RELN: variants seen among roughly 807,000 people sequenced by gnomAD.
RELN encodes the protein reelin.
RELN carries 108 observed loss-of-function variants against 427.6 expected under a neutral mutation model. That is an observed-to-expected ratio of 0.25 (90% CI 0.22 to 0.30). The LOEUF is 0.30. Ranked by LOEUF, RELN falls within the 10% of genes least tolerant of loss-of-function variation. The pLI, the probability that RELN is intolerant of heterozygous loss-of-function variation, is 1.00. For missense variants in RELN, 3,715 were observed against 4,302.8 expected (o/e 0.86, Z 3.82); for synonymous variants, 1,524 against 1,513.4 (o/e 1.01, Z -0.16).
chr7:103,489,651 T>C, intron 60 of RELN, 91 bp downstream of exon 60: 25 of 1,449,766 alleles, frequency 1.7e-5, no homozygotes, highest in Non-Finnish European at 2.4e-5. Context: ...CTGGAGTTTC[T>C]ATCCATTTCC....
intron 6 of RELN, among the ~76,000 whole-genome samples, chr7:103,730,383 T>C (rs1790323966): frequency 6.6e-6 from 1 of 151,846 alleles, no homozygotes; most frequent in African/African-American, 2.4e-5. Flanking sequence ...GATAACTGTA[T>C]AAAAGTGATG....
rs138206437 is a variant in RELN at position 103,484,509 on chromosome 7, C to T, written c.9984-659G>A. Reference sequence around the variant, plus strand: ...TCAACCCTGGTGATCAATGAATTGACAGATGTCACAGCCAGATCGCCCTCA... The same window carrying T: ...TCAACCCTGGTGATCAATGAATTGATAGATGTCACAGCCAGATCGCCCTCA... On this transcript the variant is annotated intron_variant, in intron 61 of 64. Coordinates refer to ENST00000428762, the MANE Select transcript of RELN (RefSeq NM_005045.4). 805 of 155,488 alleles carry T rather than the reference C, an allele frequency of 5.2e-3. 26 individuals are homozygous for T. Among genetic ancestry groups the T allele is most frequent in the Admixed American group, 0.046 (730 of 15,758 alleles). The allele number at this position is 155,488 out of a possible 1,614,324, so 9.6% of individuals were successfully genotyped here.
chr7:103,817,086 A>T (rs538062032), intron 3 of RELN, among the ~76,000 whole-genome samples: 1 of 152,230 alleles, frequency 6.6e-6, no homozygotes, highest in Non-Finnish European at 1.5e-5. Context: ...TCCTGACCTC[A>T]AGTGATCCGC....
intron 64 of RELN, among the ~76,000 whole-genome samples, chr7:103,477,619 A>G (rs1027893170): frequency 1.3e-5 from 2 of 152,250 alleles, no homozygotes; most frequent in Admixed American, 6.5e-5. Context: ...AAGTGCAGAC[A>G]CAAACATCTC....
intron 10 of RELN, among the ~76,000 whole-genome samples, chr7:103,684,291 A>G (rs1026330993): frequency 2.0e-5 from 3 of 152,160 alleles, no homozygotes; most frequent in Admixed American, 2.0e-4. Flanking sequence ...AGGATTGGGC[A>G]CAGCGGGCTT....
chr7:103,768,344 T>C (rs931740262), intron 4 of RELN, among the ~76,000 whole-genome samples: 8 of 151,990 alleles, frequency 5.3e-5, no homozygotes, highest in African/African-American at 1.9e-4. Flanking sequence ...TTACAATTAC[T>C]TGGAACCTCA....
At chr7:103,486,470 A>G in intron 60 of RELN, 54 bp from the exon 61 acceptor site, 1 of 1,352,148 alleles carries the variant, frequency 7.4e-7, no homozygotes, top group Non-Finnish European at 1.1e-6. Flanking sequence ...GAGTCATTCA[A>G]GATTAAGAAC....
At chr7:103,675,668 T>A (rs191305793) in intron 11 of RELN, among the ~76,000 whole-genome samples, 21 of 152,270 alleles carry the variant, frequency 1.4e-4, no homozygotes, top group Admixed American at 1.4e-3. Flanking sequence ...CAAAACAGCA[T>A]GGTACTGGTA....
At chr7:103,773,288 GCTCCCTCTCTCTCTCC>G (rs1359166225) in intron 4 of RELN, among the ~76,000 whole-genome samples, 2 of 29,976 alleles carry the variant, frequency 6.7e-5, no homozygotes, top group Non-Finnish European at 1.2e-4. Flanking sequence ...TCTCTCCCTC[GCTCCCTCTCTCTCTCC>G]CTCCCTCGCT....
chr7:103,837,375 A>T (rs1047430132), intron 2 of RELN, among the ~76,000 whole-genome samples: 1 of 152,142 alleles, frequency 6.6e-6, no homozygotes, highest in Non-Finnish European at 1.5e-5. Context: ...CCCTGTACAC[A>T]TTTACCATCC....
Position 103,795,272 on chromosome 7 carries a change from TAG to T in RELN, c.474-18647_474-18646del, listed in dbSNP as rs557844271. Among the ~76,000 whole-genome samples the T allele has an allele frequency of 2.6e-3, 394 of 152,372 alleles. 3 individuals are homozygous for T. Among genetic ancestry groups the T allele is most frequent in the African/African-American group, 9.0e-3 (375 of 41,594 alleles). On this transcript the variant is annotated intron_variant, in intron 3 of 64. Transcript: ENST00000428762. ...ACAGGCTCAAGCTAAGTATTGGCTT[TAG>T]AAAGTTGTCTTGTCTGACTCACATT...
chr7:103,863,465 C>T (rs1428086874), intron 2 of RELN, among the ~76,000 whole-genome samples: 2 of 152,154 alleles, frequency 1.3e-5, no homozygotes, highest in Non-Finnish European at 2.9e-5. Flanking sequence ...GTCTCCAAGG[C>T]CCAGGCTGCT....
intron 1 of RELN, among the ~76,000 whole-genome samples, chr7:103,937,949 A>T (rs908157532): frequency 2.0e-5 from 3 of 152,156 alleles, no homozygotes; most frequent in African/African-American, 7.2e-5. Flanking sequence ...CCCCATCCCC[A>T]CTAACCTTCA....
rs202166176 is a variant in RELN at position 103,510,913 on chromosome 7, G to T, written c.8212C>A (p.Arg2738=). The T allele has an allele frequency of 1.2e-6, 2 of 1,612,772 alleles. No individual in the cohort carries two copies. Among genetic ancestry groups the T allele is most frequent in the Non-Finnish European group, 1.7e-6 (2 of 1,179,014 alleles). Residue 2738 remains arginine, a synonymous_variant, in exon 51 of 65, where the codon CGG becomes AGG. Transcript: ENST00000428762. ...TCATGGGTCACTGCATACACCTCCCGTCCATCATGACTGCCACAGAGCATC... is the reference window on the plus strand; with the variant it reads ...TCATGGGTCACTGCATACACCTCCCTTCCATCATGACTGCCACAGAGCATC... The part of the protein sequence containing the change: ...GVMLCGSHDG[R]EVYAVTHDLT...
At chr7:103,866,592 T>C (rs3908281) in intron 2 of RELN, among the ~76,000 whole-genome samples, 51,383 of 151,956 alleles carry the variant, frequency 0.34, 9,156 homozygotes, top group Non-Finnish European at 0.41. Flanking sequence ...TTTTGTAATT[T>C]AAATCAAAAG....
intron 2 of RELN, among the ~76,000 whole-genome samples, chr7:103,914,792 G>A (rs186748481): frequency 5.1e-4 from 78 of 152,122 alleles, no homozygotes; most frequent in African/African-American, 1.8e-3. Context: ...CCCACATCTG[G>A]CTCCTTCTTG....
At position 103,650,363 on chromosome 7, in the gene RELN, G is replaced by A. The variant is rs114993407; in HGVS notation, c.1913C>T (p.Pro638Leu). Reference protein sequence around the residue: ...NYSGWNRITIPLPNAALTRNT... With the variant: ...NYSGWNRITILLPNAALTRNT... ...CCGGGTTAGTGCTGCGTTAGGAAGG[G>A]GAATTGTTATTCGGTTCCACCTGCA... The change falls in exon 16 of 65, where the codon CCC becomes CTC. Residue 638 changes from proline to leucine, a missense_variant. By Grantham distance (98) the Pro-to-Leu change is moderately conservative. Around this residue, in one of 4 missense-constraint regions of RELN, gnomAD observed 2,208 missense variants for 2,361.7 expected, o/e 0.93. Coordinates refer to ENST00000428762, the MANE Select transcript of RELN (RefSeq NM_005045.4). The A allele has an allele frequency of 1.9e-5, 31 of 1,611,920 alleles. No individual in the cohort carries two copies. The East Asian group carries it at 4.9e-4, about 26-fold the overall frequency.
At chr7:103,934,743 T>C (rs1170193570) in intron 1 of RELN, among the ~76,000 whole-genome samples, 1 of 152,240 alleles carries the variant, frequency 6.6e-6, no homozygotes, top group East Asian at 1.9e-4. Flanking sequence ...GGAGTCAGAA[T>C]GGCTGGCAGC....
At chr7:103,919,632 G>C (rs1310211407) in intron 1 of RELN, among the ~76,000 whole-genome samples, 1 of 152,086 alleles carries the variant, frequency 6.6e-6, no homozygotes, top group Non-Finnish European at 1.5e-5. Context: ...ACCAAGCTAT[G>C]TGACTCCACA....
Sources: gnomAD v4.1 joint callset for allele counts (sites outside exome capture counted in the v4.1 genomes callset) on GRCh38, gnomAD v4.1.1 for gene constraint, gnomAD v4.1.1 regional missense constraint, MANE v1.5 for transcripts, NCBI Gene and HGNC (gene_info 2026-07-23, HGNC 2026-07-21) for gene names.